The following CLDN16 variants were observed in gnomAD, a reference collection of about 807,000 sequenced individuals.
CLDN16 encodes the protein claudin-16.
In CLDN16, 13 loss-of-function variants were observed where a neutral mutation model predicts 24.6. That is an observed-to-expected ratio of 0.53 (90% CI 0.34 to 0.84). CLDN16 has a LOEUF of 0.84. CLDN16 is among the 40% of genes least tolerant of loss of function. The pLI is 0.01. For missense variants in CLDN16, 298 were observed against 292.7 expected (o/e 1.02, Z -0.13); for synonymous variants, 116 against 106.7 (o/e 1.09, Z -0.54).
At chr3:190,399,031 T>C (rs1241213451) in intron 1 of CLDN16, among the ~76,000 whole-genome samples, 1 of 152,166 alleles carries the variant, frequency 6.6e-6, no homozygotes, top group African/African-American at 2.4e-5. Context: ...GAGATAATCC[T>C]CCAGAAAGTC....
chr3:190,308,925 A>C, the CLDN16 span, among the ~76,000 whole-genome samples: 1 of 152,192 alleles, frequency 6.6e-6, no homozygotes, highest in African/African-American at 2.4e-5. Flanking sequence ...GGTTTTGTAA[A>C]GAAAAGTTCT....
At chr3:190,344,839 T>G (rs1717518302) in intron 1 of CLDN16, among the ~76,000 whole-genome samples, 3 of 152,048 alleles carry the variant, frequency 2.0e-5, no homozygotes. Context: ...GGAATTTGGT[T>G]GGGATTTAGG....
chr3:190,409,184 A>ACACACACG, intron 4 of CLDN16, among the ~76,000 whole-genome samples: 4 of 151,046 alleles, frequency 2.6e-5, no homozygotes, highest in African/African-American at 4.8e-5. Context: ...GCATGTATAT[A>ACACACACG]TACACACACG....
chr3:190,377,075 T>C (rs1425109), intron 3 of CLDN16, among the ~76,000 whole-genome samples: 113,230 of 151,684 alleles, frequency 0.75, 42,314 homozygotes, highest in East Asian at 0.83. Flanking sequence ...AGAGCCTTTT[T>C]TGGATGCCAG....
At chr3:190,293,518 C>T in the CLDN16 span, among the ~76,000 whole-genome samples, 1 of 152,264 alleles carries the variant, frequency 6.6e-6, no homozygotes, top group African/African-American at 2.4e-5. Context: ...GATAATCATG[C>T]TGCTCTCTGG....
At chr3:190,396,556 G>A (rs1290159278) in intron 1 of CLDN16, among the ~76,000 whole-genome samples, 1 of 152,162 alleles carries the variant, frequency 6.6e-6, no homozygotes, top group African/African-American at 2.4e-5. Flanking sequence ...TATGCTCCTT[G>A]AAGCCAGCTG....
intron 3 of CLDN16, among the ~76,000 whole-genome samples, chr3:190,406,044 T>C (rs1336927121): frequency 1.3e-5 from 2 of 152,192 alleles, no homozygotes; most frequent in Non-Finnish European, 1.5e-5. Context: ...CTTGTAGATA[T>C]GTATGTGTGA....
chr3:190,336,227 C>A (rs930794327), intron 1 of CLDN16, among the ~76,000 whole-genome samples: 1 of 152,172 alleles, frequency 6.6e-6, no homozygotes, highest in South Asian at 2.1e-4. Context: ...AGCCGGTGAA[C>A]CATAGGCCTT....
chr3:190,370,190 C>T (rs1279751675), intron 1 of CLDN16, among the ~76,000 whole-genome samples: 3 of 151,918 alleles, frequency 2.0e-5, no homozygotes, highest in Admixed American at 2.0e-4. Flanking sequence ...AGCATTCTAG[C>T]TCTGCTATTT....
At chr3:190,359,101 G>C (rs1042972637) in intron 1 of CLDN16, among the ~76,000 whole-genome samples, 3 of 151,806 alleles carry the variant, frequency 2.0e-5, no homozygotes, top group Non-Finnish European at 4.4e-5. Context: ...TTGTAATCAG[G>C]GCATTTGTTT....
At chr3:190,409,813 G>A in intron 4 of CLDN16, 90 bp from the exon 5 acceptor site, 1 of 1,222,928 alleles carries the variant, frequency 8.2e-7, no homozygotes, top group Non-Finnish European at 1.2e-6. Context: ...CTATATTCTT[G>A]TTCCTTTTGA....
intron 1 of CLDN16, among the ~76,000 whole-genome samples, chr3:190,366,119 CT>C (rs1391478211): frequency 6.6e-6 from 1 of 151,902 alleles, no homozygotes; most frequent in Non-Finnish European, 1.5e-5. Context: ...CCTGGGCCTG[CT>C]TTTATTGTCC....
chr3:190,327,061 A>G (rs1717079228), intron 1 of CLDN16, among the ~76,000 whole-genome samples: 1 of 152,132 alleles, frequency 6.6e-6, no homozygotes, highest in African/African-American at 2.4e-5. Context: ...GAGAGGAGAG[A>G]GAGAGAGAGG....
intron 3 of CLDN16, among the ~76,000 whole-genome samples, chr3:190,381,150 A>G (rs1718362060): frequency 6.6e-6 from 1 of 152,148 alleles, no homozygotes; most frequent in African/African-American, 2.4e-5. Flanking sequence ...GTGCAGTGCA[A>G]ACAGCGAGAA....
At chr3:190,387,769 G>T, upstream of CLDN16, 1 of 318,416 alleles carries the variant, frequency 3.1e-6, no homozygotes, top group Non-Finnish European at 6.1e-6. Context: ...CCTTGAGCGA[G>T]CACTTGTTTA....
At chr3:190,336,032 A>G (rs1717297684) in intron 1 of CLDN16, among the ~76,000 whole-genome samples, 1 of 152,170 alleles carries the variant, frequency 6.6e-6, no homozygotes, top group Admixed American at 6.5e-5. Context: ...TTGGCATTTG[A>G]GAGAAGTAGG....
At chr3:190,309,138 C>T in the CLDN16 span, among the ~76,000 whole-genome samples, 4 of 152,324 alleles carry the variant, frequency 2.6e-5, no homozygotes, top group African/African-American at 9.6e-5. Context: ...ACCTCTCAGC[C>T]TCAGTTTCTC....
At chr3:190,380,315 C>CAAATATATAGAATATATATTTAAAG (rs1205482187) in intron 3 of CLDN16, among the ~76,000 whole-genome samples, 1 of 150,908 alleles carries the variant, frequency 6.6e-6, no homozygotes, top group Non-Finnish European at 1.5e-5. Context: ...CTAGAGGTAT[C>CAAATATATAGAATATATATTTAAAG]AAATATATAG....
Position 190,410,110 on chromosome 3 carries a change from A to T in CLDN16, c.*74A>T. 1 of 1,487,700 alleles carries T rather than the reference A, an allele frequency of 6.7e-7. No individual in the cohort carries two copies. The highest frequency in any genetic ancestry group is 9.4e-7 in the Non-Finnish European group (1 of 1,064,932). The allele number at this position is 1,487,700 out of a possible 1,614,324, so 92.2% of individuals were successfully genotyped here. A position where few individuals can be genotyped will look rare whatever the true frequency, so the allele number is the denominator to read the frequency against. On this transcript the variant is annotated 3_prime_UTR_variant, in exon 5 of 5. Transcript: ENST00000264734. ...GTTACATTGATAAAATAGTAAGTCA[A>T]TCCAGGAACAGTTATTTAGAATTCA...
Sources: gnomAD v4.1 joint callset for allele counts (sites outside exome capture counted in the v4.1 genomes callset) on GRCh38, gnomAD v4.1.1 for gene constraint, MANE v1.5 for transcripts, NCBI Gene and HGNC (gene_info 2026-07-23, HGNC 2026-07-21) for gene names.